Variants in STARD13 observed in about 807,000 individuals in gnomAD.
STARD13 encodes stAR-related lipid transfer protein 13.
A neutral mutation model predicts 106.4 loss-of-function variants in STARD13; 62 were observed. That is an observed-to-expected ratio of 0.58 (90% CI 0.48 to 0.72). The LOEUF (loss-of-function observed/expected upper bound fraction) is 0.72, where lower values mean the gene tolerates loss of function less well. Among genes scored for constraint, STARD13 ranks in the 30% least tolerant of loss-of-function variants. The pLI is 0.00. For synonymous variants in STARD13, 565 were observed against 553.0 expected (o/e 1.02, Z -0.31); for missense variants, 1,387 against 1,424.0 (o/e 0.97, Z 0.42).
At chr13:33,235,324 G>A (rs1208888241) in intron 1 of STARD13, among the ~76,000 whole-genome samples, 1 of 152,194 alleles carries the variant, frequency 6.6e-6, no homozygotes, top group Non-Finnish European at 1.5e-5. Flanking sequence ...GGCAGATGCT[G>A]TGATAAAAAG....
intron 8 of STARD13, chr13:33,113,159 C>T: frequency 1.9e-6 from 1 of 528,470 alleles, no homozygotes; most frequent in Admixed American, 3.4e-5. Flanking sequence ...CTTTGGATCC[C>T]ACGCTCTCGA....
chr13:33,438,058 A>T, the STARD13 span, among the ~76,000 whole-genome samples: 1 of 152,240 alleles, frequency 6.6e-6, no homozygotes, highest in Non-Finnish European at 1.5e-5. Flanking sequence ...AATTTGTTAG[A>T]AAAGTACTTG....
In STARD13 at chr13:33,171,185, A is replaced by T. The variant is rs547500391; in HGVS notation, c.170-3563T>A. ...TAAGAGCTATTAAAATCACATTTTG[A>T]CAGTTTTATTTGTTCTCCATTTGCT... On this transcript the variant is annotated intron_variant, in intron 1 of 13. Coordinates refer to ENST00000336934, the MANE Select transcript of STARD13 (RefSeq NM_178006.4). 1.5e-4 allele frequency among the ~76,000 whole-genome samples: 23 copies of T among 152,338 alleles called. No homozygotes were observed. The East Asian group carries it at 4.1e-3, about 27-fold the overall frequency.
the STARD13 span, among the ~76,000 whole-genome samples, chr13:33,551,160 T>C: frequency 6.6e-6 from 1 of 151,368 alleles, no homozygotes; most frequent in Admixed American, 6.6e-5. Context: ...CAACCCGCCA[T>C]TGGTGTGTCT....
At chr13:33,227,719 C>T (rs1034673352) in intron 1 of STARD13, among the ~76,000 whole-genome samples, 1 of 152,118 alleles carries the variant, frequency 6.6e-6, no homozygotes, top group African/African-American at 2.4e-5. Flanking sequence ...ATGCTGGATG[C>T]AAACCTAGAT....
chr13:33,150,994 T>C (rs556160276), intron 3 of STARD13, among the ~76,000 whole-genome samples: 159 of 152,246 alleles, frequency 1.0e-3, no homozygotes, highest in Middle Eastern at 0.01. Context: ...TGGTCCCATG[T>C]GGGATAGAAA....
At chr13:33,314,266 T>C (rs551029949) in intron 1 of STARD13, among the ~76,000 whole-genome samples, 303 of 152,208 alleles carry the variant, frequency 2.0e-3, no homozygotes, top group Admixed American at 3.9e-3. Flanking sequence ...CCAGCAGAGA[T>C]AGTGGCATCA....
intron 4 of STARD13, among the ~76,000 whole-genome samples, chr13:33,139,048 C>G (rs1296370355): frequency 6.6e-6 from 1 of 152,192 alleles, no homozygotes; most frequent in Non-Finnish European, 1.5e-5. Context: ...CCACCAAAAT[C>G]TACAGGATTA....
At chr13:33,236,838 T>C (rs73465053) in intron 1 of STARD13, among the ~76,000 whole-genome samples, 2 of 152,216 alleles carry the variant, frequency 1.3e-5, no homozygotes. Context: ...ACTGAATGTA[T>C]TACTTTTAGA....
chr13:33,529,429 T>TGGTG, the STARD13 span, among the ~76,000 whole-genome samples: 2 of 152,196 alleles, frequency 1.3e-5, no homozygotes, highest in African/African-American at 4.8e-5. Context: ...CTGAACCCAA[T>TGGTG]GGTGTTACAA....
chr13:33,359,003 G>A, the STARD13 span, among the ~76,000 whole-genome samples: 1 of 152,106 alleles, frequency 6.6e-6, no homozygotes, highest in Non-Finnish European at 1.5e-5. Context: ...GATTGTAAAG[G>A]CACCAATCAG....
the STARD13 span, among the ~76,000 whole-genome samples, chr13:33,622,493 G>C: frequency 6.6e-6 from 1 of 151,616 alleles, no homozygotes; most frequent in East Asian, 2.0e-4. Flanking sequence ...CAAAAAACTA[G>C]TCGGGCGTAC....
the STARD13 span, among the ~76,000 whole-genome samples, chr13:33,521,192 A>G: frequency 6.6e-6 from 1 of 152,180 alleles, no homozygotes. Context: ...TTCCTCAGAC[A>G]TGTTCTACAG....
the STARD13 span, among the ~76,000 whole-genome samples, chr13:33,414,679 A>G: frequency 6.6e-6 from 1 of 152,174 alleles, no homozygotes; most frequent in African/African-American, 2.4e-5. Context: ...TACGGAAAAC[A>G]GAACAGGAGG....
At chr13:33,629,313 A>G in the STARD13 span, among the ~76,000 whole-genome samples, 3 of 152,342 alleles carry the variant, frequency 2.0e-5, no homozygotes, top group Admixed American at 6.5e-5. Flanking sequence ...ACTGGACACT[A>G]TTACTTAGAC....
the STARD13 span, among the ~76,000 whole-genome samples, chr13:33,609,827 C>T: frequency 1.3e-5 from 2 of 152,142 alleles, no homozygotes; most frequent in African/African-American, 2.4e-5. Flanking sequence ...CTCGGCCTCC[C>T]AAAGTGCTGG....
the STARD13 span, among the ~76,000 whole-genome samples, chr13:33,576,178 G>A: frequency 6.6e-6 from 1 of 152,188 alleles, no homozygotes; most frequent in South Asian, 2.1e-4. Context: ...CTGTTTCTAC[G>A]CCAGTTGGCT....
chr13:33,172,389 C>T (rs770734026), intron 1 of STARD13, among the ~76,000 whole-genome samples: 3 of 151,148 alleles, frequency 2.0e-5, no homozygotes, highest in South Asian at 2.1e-4. Flanking sequence ...TGTAGACTGA[C>T]GGTGGAGAAG....
intron 1 of STARD13, among the ~76,000 whole-genome samples, chr13:33,225,760 A>G (rs1566084885): frequency 6.6e-6 from 1 of 152,186 alleles, no homozygotes; most frequent in Non-Finnish European, 1.5e-5. Flanking sequence ...AATTAAAAAA[A>G]AAACAACTCT....
Sources: gnomAD v4.1 joint callset for allele counts (sites outside exome capture counted in the v4.1 genomes callset) on GRCh38, gnomAD v4.1.1 for gene constraint, MANE v1.5 for transcripts, NCBI Gene and HGNC (gene_info 2026-07-23, HGNC 2026-07-21) for gene names.